TG: variants seen among roughly 807,000 people sequenced by gnomAD.
TG encodes thyroglobulin, also known as thyroid hormones.
Under a neutral mutation model 324.7 loss-of-function variants are expected in TG, and 270 were observed. The ratio of observed to expected loss-of-function variants is 0.83; its 90% CI spans 0.75 to 0.92. The LOEUF (loss-of-function observed/expected upper bound fraction) is 0.92. Among genes scored for constraint, TG ranks in the 40% least tolerant of loss-of-function variants. The pLI is 0.00. For synonymous variants in TG, 1,401 were observed against 1,327.0 expected, an observed-to-expected ratio of 1.06 and a Z score of -1.21; for missense variants, 3,591 against 3,456.4, an observed-to-expected ratio of 1.04 and a Z score of -0.98.
intron 10 of TG, 78 bp from the exon 11 acceptor site, chr8:132,893,612 G>C: frequency 6.3e-7 from 1 of 1,588,860 alleles, no homozygotes; most frequent in South Asian, 1.1e-5. Context: ...GTGTGCGTGA[G>C]GGCACACATG....
At chr8:133,090,048 TA>T (rs1847243090) in intron 41 of TG, 1 of 152,232 alleles carries the variant, frequency 6.6e-6, no homozygotes, top group Admixed American at 6.5e-5. Context: ...CTGGATATAG[TA>T]CACATTTTTA....
chr8:132,995,586 T>C (rs1161344503), intron 35 of TG: 1 of 920,388 alleles, frequency 1.1e-6, no homozygotes, highest in African/African-American at 1.8e-5. Flanking sequence ...CCCAGGATCA[T>C]GCATGTGACC....
At chr8:133,082,648 C>T (rs911600757) in intron 41 of TG, among the ~76,000 whole-genome samples, 1 of 152,132 alleles carries the variant, frequency 6.6e-6, no homozygotes, top group African/African-American at 2.4e-5. Context: ...AAACACTCTG[C>T]CCTGGTATTT....
Position 132,995,052 on chromosome 8 carries a change from C to T in TG, c.6262+11640C>T, listed in dbSNP as rs530256478. 3.3e-5 allele frequency: 32 copies of T among 956,682 alleles called. No homozygotes were observed. In the South Asian group the frequency reaches 6.3e-4, roughly 19 times the overall value. The allele number at this position is 956,682 out of a possible 1,614,324, so 59.3% of individuals were successfully genotyped here. A position where few individuals can be genotyped will look rare whatever the true frequency, so the allele number is the denominator to read the frequency against. ...ATTTTTTCCCTTCTGCTTTTGTGAG[C>T]GCTCACCCACAGGCAAGCAGAAGGA... On this transcript the variant is annotated intron_variant, in intron 35 of 47. Coordinates refer to ENST00000220616, the MANE Select transcript of TG (RefSeq NM_003235.5).
rs1375705127 is a variant in TG, at chr8:132,906,880, C to G, written c.3827C>G (p.Pro1276Arg). The change falls in exon 17 of 48, where the codon CCT (proline) becomes CGT (arginine). Residue 1276 changes from proline to arginine, a missense_variant. Coordinates refer to ENST00000220616, the MANE Select transcript of TG (RefSeq NM_003235.5). ...AGCGGACGCTGGGAGTCACAGCTGC[C>G]TCAGCCCCGGGCCTGCCAACGTGAG... ...LESGRWESQL[P>R]QPRACQRPQL... 2.5e-6 allele frequency: 4 copies of G among 1,613,024 alleles called. No homozygotes were observed. Among genetic ancestry groups the G allele is most frequent in the Admixed American group, 1.7e-5 (1 of 59,924 alleles).
intron 8 of TG, among the ~76,000 whole-genome samples, chr8:132,884,217 G>A (rs1815067865): frequency 6.6e-6 from 1 of 152,188 alleles, no homozygotes; most frequent in African/African-American, 2.4e-5. Context: ...GTTCTGGGAA[G>A]AGCATGAATT....
At position 132,935,823 on chromosome 8, in the gene TG, G is replaced by A; in HGVS notation, c.5000G>A (p.Arg1667Lys). Residue 1667 changes from arginine (R) to lysine (K), a missense_variant, in exon 25 of 48, where the codon AGG becomes AAG. By Grantham distance (26) the Arg-to-Lys change is conservative. Coordinates refer to ENST00000220616, the MANE Select transcript of TG (RefSeq NM_003235.5). Reference sequence around the variant, plus strand: ...AGTCTTCGCTGCCAGGTGAAAGTGAGGAGCCATGGTCAAGATTCTCCAGCT... The same window carrying A: ...AGTCTTCGCTGCCAGGTGAAAGTGAAGAGCCATGGTCAAGATTCTCCAGCT... ...FGSLRCQVKVRSHGQDSPAVY... is the reference protein window; with the variant it reads ...FGSLRCQVKVKSHGQDSPAVY... 6.2e-7 allele frequency: 1 copy of A among 1,612,800 alleles called. No individual in the cohort carries two copies.
intron 26 of TG, among the ~76,000 whole-genome samples, chr8:132,948,301 G>A (rs1825631967): frequency 6.6e-6 from 1 of 152,026 alleles, no homozygotes; most frequent in African/African-American, 2.4e-5. Context: ...GTGAGCGAGA[G>A]CGAGAGTGAG....
At chr8:132,935,023 A>C (rs1429930216) in intron 24 of TG, among the ~76,000 whole-genome samples, 4 of 152,058 alleles carry the variant, frequency 2.6e-5, no homozygotes, top group African/African-American at 9.7e-5. Flanking sequence ...TGACAGTCCA[A>C]AAATTACTGA....
chr8:133,121,828 T>C (rs2958690), intron 45 of TG, among the ~76,000 whole-genome samples: 1 of 152,056 alleles, frequency 6.6e-6, no homozygotes, highest in Admixed American at 6.5e-5. Context: ...CCTGTGTAGA[T>C]GTCTCCTCTC....
At chr8:132,984,320 C>T (rs2130701907) in intron 35 of TG, among the ~76,000 whole-genome samples, 2 of 152,336 alleles carry the variant, frequency 1.3e-5, no homozygotes, top group Middle Eastern at 6.8e-3. Flanking sequence ...GTCTTTTACT[C>T]ATATATGTTA....
At chr8:132,882,640 G>C (rs764854249) in intron 7 of TG, 28 bp downstream of exon 7, 1 of 1,614,208 alleles carries the variant, frequency 6.2e-7, no homozygotes, top group Admixed American at 1.7e-5. Flanking sequence ...AACAATGTGC[G>C]TGTTTCCATT....
chr8:133,085,392 G>T (rs1446698904), intron 41 of TG, among the ~76,000 whole-genome samples: 1 of 152,110 alleles, frequency 6.6e-6, no homozygotes, highest in Non-Finnish European at 1.5e-5. Context: ...TGCTCCAAAA[G>T]ATGCCATGAA....
chr8:132,924,235 T>A lies in TG; in HGVS notation c.4699+727T>A, dbSNP rs139096240. ...CAGTTCACTATAGGGTTTGCTCTCCTGTGAGAATCTAATGCTGCCACTGAT... is the reference window on the plus strand; with the variant it reads ...CAGTTCACTATAGGGTTTGCTCTCCAGTGAGAATCTAATGCTGCCACTGAT... On this transcript the variant is annotated intron_variant, in intron 22 of 47. Coordinates refer to ENST00000220616, the MANE Select transcript of TG (RefSeq NM_003235.5). Among the ~76,000 whole-genome samples the A allele has an allele frequency of 8.1e-4, 123 of 152,174 alleles. 3 individuals are homozygous for A. The East Asian group carries it at 0.018, about 22-fold the overall frequency.
chr8:133,071,629 C>T (rs1160703891), intron 41 of TG, among the ~76,000 whole-genome samples: 4 of 151,806 alleles, frequency 2.6e-5, no homozygotes, highest in Non-Finnish European at 4.4e-5. Context: ...ACTTGGATGG[C>T]ATGCAGCGGG....
chr8:133,064,894 C>G (rs1026640700), intron 41 of TG, among the ~76,000 whole-genome samples: 4 of 152,140 alleles, frequency 2.6e-5, no homozygotes, highest in African/African-American at 4.8e-5. Flanking sequence ...GCCCGAACCC[C>G]TTTATCGTGC....
At chr8:133,130,939 C>T (rs1446432559) in intron 45 of TG, among the ~76,000 whole-genome samples, 1 of 152,046 alleles carries the variant, frequency 6.6e-6, no homozygotes, top group African/African-American at 2.4e-5. Flanking sequence ...AGGAGGGGGG[C>T]CCCTATTAAC....
At chr8:132,903,536 C>T (rs1419775283) in intron 16 of TG, among the ~76,000 whole-genome samples, 2 of 152,194 alleles carry the variant, frequency 1.3e-5, no homozygotes, top group Non-Finnish European at 2.9e-5. Context: ...GCCCAGGTTT[C>T]CTGAGAGTCT....
chr8:132,908,343 A>G lies in TG; in HGVS notation c.4002+3A>G. 1.3e-6 allele frequency: 2 copies of G among 1,537,936 alleles called. No individual in the cohort carries two copies. Among genetic ancestry groups the G allele is most frequent in the Non-Finnish European group, 1.8e-6 (2 of 1,136,306 alleles). On this transcript the variant is annotated splice_donor_region_variant and intron_variant, in intron 18 of 47. Coordinates refer to ENST00000220616, the MANE Select transcript of TG (RefSeq NM_003235.5). ...CCCGCGGCTTCTGCCAGATCCAGGTACATGCCTGGCCTTCCCCACAGTGAG... is the reference window on the plus strand; with the variant it reads ...CCCGCGGCTTCTGCCAGATCCAGGTGCATGCCTGGCCTTCCCCACAGTGAG...
Sources: allele counts gnomAD v4.1 joint callset (sites outside exome capture counted in the v4.1 genomes callset), GRCh38; gene constraint gnomAD v4.1.1; transcripts MANE v1.5; gene names NCBI Gene and HGNC (gene_info 2026-07-23, HGNC 2026-07-21).